The following CNTN5 variants were observed in gnomAD, a reference collection of about 807,000 sequenced individuals.
CNTN5 encodes the protein contactin-5.
A neutral mutation model predicts 129.1 loss-of-function variants in CNTN5; 77 were observed. That is an observed-to-expected ratio of 0.60 (90% CI 0.50 to 0.72). The LOEUF (loss-of-function observed/expected upper bound fraction) is 0.72, where lower values mean the gene tolerates loss of function less well. CNTN5 is among the 30% of genes least tolerant of loss of function. The pLI is 0.00. For synonymous variants in CNTN5, 509 were observed against 465.6 expected (o/e 1.09, Z -1.20); for missense variants, 1,478 against 1,328.8 (o/e 1.11, Z -1.75).
rs140466691 is a variant in CNTN5 at position 99,609,899 on chromosome 11, A to C, written c.55+53630A>C. Among the ~76,000 whole-genome samples the C allele has an allele frequency of 2.6e-4, 39 of 152,270 alleles. No individual in the cohort carries two copies. In the East Asian group the frequency reaches 6.2e-3, roughly 24 times the overall value. On this transcript the variant is annotated intron_variant, in intron 3 of 24. Transcript: ENST00000524871. ...TTTTTCTTAGGGTTGTTAGAAAGAC[A>C]GAGGTAATAGCAGTTAATGGAAATT... is the stretch of plus-strand genomic sequence containing the variant.
At chr11:99,781,039 G>C (rs145872890) in intron 3 of CNTN5, among the ~76,000 whole-genome samples, 42 of 152,156 alleles carry the variant, frequency 2.8e-4, no homozygotes, top group African/African-American at 9.1e-4. Flanking sequence ...TGATCATGTT[G>C]TCTTTGTATT....
In CNTN5 at chr11:100,260,272, A is replaced by G. The variant is rs187999808; in HGVS notation, c.2164+4354A>G. 4.6e-5 allele frequency among the ~76,000 whole-genome samples: 7 copies of G among 152,330 alleles called. No homozygotes were observed. In the East Asian group the frequency reaches 1.2e-3, roughly 25 times the overall value. Reference sequence around the variant, plus strand: ...AGAATTTGAATCCCTGAATAAACCAATAACAAGTTCTGAAACTGAGGAAGT... The same window carrying G: ...AGAATTTGAATCCCTGAATAAACCAGTAACAAGTTCTGAAACTGAGGAAGT... On this transcript the variant is annotated intron_variant, in intron 17 of 24. Transcript: ENST00000524871.
intron 3 of CNTN5, among the ~76,000 whole-genome samples, chr11:99,581,916 A>G (rs1482073905): frequency 6.6e-6 from 1 of 152,142 alleles, no homozygotes; most frequent in Non-Finnish European, 1.5e-5. Flanking sequence ...GTTGCTTCCT[A>G]GCCTTGATGG....
chr11:99,894,622 A>T (rs1949157192), intron 6 of CNTN5, among the ~76,000 whole-genome samples: 1 of 152,074 alleles, frequency 6.6e-6, no homozygotes, highest in Admixed American at 6.6e-5. Flanking sequence ...AGTTAGATCA[A>T]TAAATTTTGA....
In CNTN5 at chr11:99,654,728, G is replaced by A. The variant is rs143455758; in HGVS notation, c.55+98459G>A. On this transcript the variant is annotated intron_variant, in intron 3 of 24. Transcript: ENST00000524871. ...ATTAATTGCATTTTCTATAATGCTC[G>A]TTTAGACTAAAACAAATTAAATCAA... 2.5e-3 allele frequency among the ~76,000 whole-genome samples: 383 copies of A among 152,106 alleles called. 1 individual carries two copies. Among genetic ancestry groups the A allele is most frequent in the African/African-American group, 7.6e-3 (316 of 41,516 alleles).
intron 3 of CNTN5, among the ~76,000 whole-genome samples, chr11:99,609,754 A>G (rs910543790): frequency 6.6e-6 from 1 of 152,148 alleles, no homozygotes; most frequent in African/African-American, 2.4e-5. Context: ...GTAGAAGATT[A>G]TAGTGGAAAG....
chr11:99,180,837 G>T (rs1490391693), intron 1 of CNTN5, among the ~76,000 whole-genome samples: 1 of 152,154 alleles, frequency 6.6e-6, no homozygotes, highest in Non-Finnish European at 1.5e-5. Context: ...TTTGCAAGGA[G>T]AGTCATATTG....
At position 99,427,846 on chromosome 11, in the gene CNTN5, T is replaced by C. The variant is rs542807940; in HGVS notation, c.-71+102362T>C. 1.6e-4 allele frequency among the ~76,000 whole-genome samples: 25 copies of C among 152,006 alleles called. No individual in the cohort carries two copies. In the South Asian group the frequency reaches 5.2e-3, roughly 31 times the overall value. The stretch of plus-strand genomic sequence containing the variant: ...ACAAATGAATACTTTAAGGAAATTT[T>C]GGTTTTTTAAACAATTATTTTGTGT... On this transcript the variant is annotated intron_variant, in intron 2 of 24. Coordinates refer to ENST00000524871, the MANE Select transcript of CNTN5 (RefSeq NM_014361.4).
At chr11:100,279,150 A>G (rs138710087) in intron 18 of CNTN5, among the ~76,000 whole-genome samples, 342 of 152,134 alleles carry the variant, frequency 2.2e-3, no homozygotes, top group Non-Finnish European at 3.3e-3. Flanking sequence ...CCAGGGATAA[A>G]TTCCACTTGG....
intron 6 of CNTN5, among the ~76,000 whole-genome samples, chr11:99,898,274 G>C (rs1287784624): frequency 6.6e-6 from 1 of 151,940 alleles, no homozygotes; most frequent in Non-Finnish European, 1.5e-5. Flanking sequence ...TGAAATAAAA[G>C]GTTGGTTCTT....
At chr11:99,183,114 C>T (rs1274632509) in intron 1 of CNTN5, among the ~76,000 whole-genome samples, 1 of 152,040 alleles carries the variant, frequency 6.6e-6, no homozygotes, top group South Asian at 2.1e-4. Flanking sequence ...ATTTTGGTTA[C>T]TATATTCAAA....
intron 13 of CNTN5, among the ~76,000 whole-genome samples, chr11:100,096,269 T>C (rs142642330): frequency 1.3e-4 from 20 of 152,222 alleles, no homozygotes; most frequent in Non-Finnish European, 2.6e-4. Context: ...TAGGCTTCAT[T>C]TTCCACATTT....
chr11:100,168,958 C>A (rs528595970), intron 13 of CNTN5, among the ~76,000 whole-genome samples: 1 of 151,960 alleles, frequency 6.6e-6, no homozygotes, highest in East Asian at 2.0e-4. Context: ...GAGTTCAAGA[C>A]TTCAGTAGAG....
intron 23 of CNTN5, among the ~76,000 whole-genome samples, 177 bp downstream of exon 23, chr11:100,341,382 A>G (rs1952158823): frequency 6.6e-6 from 1 of 152,200 alleles, no homozygotes. Flanking sequence ...GGCAGTCAAA[A>G]TTAGTTTCAA....
rs768004391 is a variant in CNTN5, at chr11:100,002,069, C to T, written c.913C>T (p.His305Tyr). The T allele has an allele frequency of 1.4e-5, 23 of 1,598,568 alleles. No individual in the cohort carries two copies. The highest frequency in any genetic ancestry group is 1.8e-5 in the Non-Finnish European group (21 of 1,175,414). Residue 305 changes from histidine to tyrosine, a missense_variant, in exon 9 of 25, where the codon CAT becomes TAT. By Grantham distance (83) the His-to-Tyr change is moderately conservative. Transcript: ENST00000524871. Reference protein sequence around the residue: ...MGEYEPKIEVHFPFTVTAAKG... With the variant: ...MGEYEPKIEVYFPFTVTAAKG... ...AGAATATGAGCCGAAAATTGAGGTC[C>T]ATTTTCCTTTCACGGTTACAGCTGC...
intron 13 of CNTN5, among the ~76,000 whole-genome samples, chr11:100,163,625 C>G (rs1947528803): frequency 6.6e-6 from 1 of 151,832 alleles, no homozygotes; most frequent in Non-Finnish European, 1.5e-5. Flanking sequence ...AATCAGTTGT[C>G]TGACCTACTG....
At chr11:100,095,786 ATACT>A (rs1411077781) in intron 13 of CNTN5, among the ~76,000 whole-genome samples, 1 of 152,108 alleles carries the variant, frequency 6.6e-6, no homozygotes, top group African/African-American at 2.4e-5. Flanking sequence ...ATTAAAGAAA[ATACT>A]TAGTCAGTTT....
At chr11:99,902,377 AT>A (rs1949382352) in intron 6 of CNTN5, among the ~76,000 whole-genome samples, 1 of 151,988 alleles carries the variant, frequency 6.6e-6, no homozygotes, top group East Asian at 1.9e-4. Flanking sequence ...AGCTTCAAGT[AT>A]TTACTAAGTG....
intron 3 of CNTN5, among the ~76,000 whole-genome samples, chr11:99,658,717 AAAT>A (rs1251351238): frequency 9.1e-5 from 11 of 121,472 alleles, no homozygotes; most frequent in Non-Finnish European, 1.6e-4. Context: ...ACTAAAAAAA[AAAT>A]ATATATATAT....
Sources: allele counts gnomAD v4.1 joint callset (sites outside exome capture counted in the v4.1 genomes callset), GRCh38; gene constraint gnomAD v4.1.1; transcripts MANE v1.5; gene names NCBI Gene and HGNC (gene_info 2026-07-23, HGNC 2026-07-21).